SORCS2: variants seen among roughly 807,000 people sequenced by gnomAD.
SORCS2 encodes VPS10 domain-containing receptor SorCS2.
Under a neutral mutation model 141.6 loss-of-function variants are expected in SORCS2, and 100 were observed. The ratio of observed to expected loss-of-function variants is 0.71; its 90% confidence interval spans 0.60 to 0.83. The LOEUF is 0.83. Among genes scored for constraint, SORCS2 ranks in the 40% least tolerant of loss-of-function variants. SORCS2 has a pLI of 0.00. For synonymous variants in SORCS2, 789 were observed against 676.9 expected (o/e 1.17, Z -2.57); for missense variants, 1,646 against 1,560.2 (o/e 1.05, Z -0.93).
intron 1 of SORCS2, among the ~76,000 whole-genome samples, chr4:7,363,284 C>G (rs1721705216): frequency 6.6e-6 from 1 of 151,340 alleles, no homozygotes; most frequent in African/African-American, 2.5e-5. Flanking sequence ...TGATCATTAT[C>G]ATCATTACCA....
chr4:7,297,116 C>A (rs1037086315), intron 1 of SORCS2, among the ~76,000 whole-genome samples: 1 of 152,302 alleles, frequency 6.6e-6, no homozygotes, highest in African/African-American at 2.4e-5. Context: ...CCCCTGGATG[C>A]CCATGGGTTC....
intron 3 of SORCS2, among the ~76,000 whole-genome samples, chr4:7,563,565 CTG>C (rs1491485339): frequency 2.6e-5 from 4 of 152,152 alleles, no homozygotes; most frequent in African/African-American, 9.6e-5. Flanking sequence ...TCTCAGAACT[CTG>C]GGGTTTGGAG....
intron 1 of SORCS2, among the ~76,000 whole-genome samples, chr4:7,208,598 C>T (rs909619292): frequency 6.6e-6 from 1 of 152,206 alleles, no homozygotes; most frequent in East Asian, 1.9e-4. Flanking sequence ...CAGCTCCATC[C>T]TCTGTCTGCC....
chr4:7,239,401 C>T (rs1023229652), intron 1 of SORCS2, among the ~76,000 whole-genome samples: 1 of 152,234 alleles, frequency 6.6e-6, no homozygotes, highest in African/African-American at 2.4e-5. Context: ...TCCCCGTGGC[C>T]GGGACAGTGG....
intron 1 of SORCS2, among the ~76,000 whole-genome samples, chr4:7,215,854 A>G (rs1343386270): frequency 6.6e-6 from 1 of 152,094 alleles, no homozygotes; most frequent in East Asian, 1.9e-4. Context: ...GGGATTGTAA[A>G]CGCACCAATC....
At chr4:7,275,270 TCA>T (rs1715425721) in intron 1 of SORCS2, among the ~76,000 whole-genome samples, 1 of 152,158 alleles carries the variant, frequency 6.6e-6, no homozygotes, top group Admixed American at 6.5e-5. Flanking sequence ...TGACTCGAAG[TCA>T]TGGTCAAGAG....
intron 1 of SORCS2, among the ~76,000 whole-genome samples, chr4:7,269,205 T>C (rs1577340655): frequency 6.6e-6 from 1 of 152,300 alleles, no homozygotes; most frequent in East Asian, 1.9e-4. Context: ...GGGCCGGTGA[T>C]GCCAGGGTGC....
At chr4:7,626,948 C>T (rs969834573) in intron 3 of SORCS2, among the ~76,000 whole-genome samples, 1 of 152,106 alleles carries the variant, frequency 6.6e-6, no homozygotes, top group East Asian at 1.9e-4. Flanking sequence ...TGACTTTTCT[C>T]CTTTGTAAGA....
intron 3 of SORCS2, among the ~76,000 whole-genome samples, chr4:7,619,484 T>G (rs952083131): frequency 2.0e-5 from 3 of 152,108 alleles, no homozygotes; most frequent in Non-Finnish European, 2.9e-5. Flanking sequence ...CCACTCCACC[T>G]CTTCAGTCCA....
chr4:7,557,172 C>T (rs745513976), intron 3 of SORCS2, among the ~76,000 whole-genome samples: 1 of 152,176 alleles, frequency 6.6e-6, no homozygotes, highest in Non-Finnish European at 1.5e-5. Flanking sequence ...GAGGAAAGGG[C>T]GGTTGAATTT....
chr4:7,348,557 T>G (rs1024556535), intron 1 of SORCS2, among the ~76,000 whole-genome samples: 8 of 152,134 alleles, frequency 5.3e-5, no homozygotes, highest in African/African-American at 1.7e-4. Context: ...GTGTTGTTGT[T>G]TTTTGTATTT....
intron 21 of SORCS2, 86 bp downstream of exon 21, chr4:7,726,989 T>C: frequency 6.8e-7 from 1 of 1,460,100 alleles, no homozygotes; most frequent in Non-Finnish European, 9.2e-7. Context: ...GCGTAAGCCA[T>C]GGATGTCCTG....
At chr4:7,254,854 C>T (rs983534492) in intron 1 of SORCS2, among the ~76,000 whole-genome samples, 2 of 152,114 alleles carry the variant, frequency 1.3e-5, no homozygotes, top group African/African-American at 4.8e-5. Context: ...TCCATGCACA[C>T]AGCCCCCGGG....
chr4:7,423,050 A>G (rs1221510660), intron 2 of SORCS2, among the ~76,000 whole-genome samples: 1 of 74,560 alleles, frequency 1.3e-5, no homozygotes, highest in Non-Finnish European at 2.5e-5. Flanking sequence ...CATCCCTCCC[A>G]GGGAACTTCT....
chr4:7,739,684 C>A (rs1222262324), intron 26 of SORCS2, among the ~76,000 whole-genome samples: 1 of 152,162 alleles, frequency 6.6e-6, no homozygotes, highest in Non-Finnish European at 1.5e-5. Context: ...TCTCCCGGTG[C>A]CCTTGAGGCG....
chr4:7,362,265 G>A lies in SORCS2; in HGVS notation c.481-34023G>A, dbSNP rs949350368. Among the ~76,000 whole-genome samples, 4 of 152,092 alleles carry A rather than the reference G, an allele frequency of 2.6e-5. 1 individual carries two copies. The highest frequency in any genetic ancestry group is 2.6e-4 in the Admixed American group (4 of 15,272). On this transcript the variant is annotated intron_variant, in intron 1 of 26. Coordinates refer to ENST00000507866, the MANE Select transcript of SORCS2 (RefSeq NM_020777.3). ...AAGCCAGGTGACATAAGGATCCCTG[G>A]TGTTTTCATAGACGAGCTTCAAGGC...
At chr4:7,531,939 G>C (rs1711693360) in intron 3 of SORCS2, among the ~76,000 whole-genome samples, 1 of 152,280 alleles carries the variant, frequency 6.6e-6, no homozygotes, top group African/African-American at 2.4e-5. Context: ...GGGCCTGGAA[G>C]CAGAGACAGC....
At chr4:7,227,119 G>A (rs1430902200) in intron 1 of SORCS2, among the ~76,000 whole-genome samples, 4 of 152,134 alleles carry the variant, frequency 2.6e-5, no homozygotes, top group East Asian at 3.9e-4. Flanking sequence ...GCACTTGTGC[G>A]TGCTCACACA....
At chr4:7,438,133 C>G (rs1427990162) in intron 2 of SORCS2, among the ~76,000 whole-genome samples, 3 of 152,230 alleles carry the variant, frequency 2.0e-5, no homozygotes, top group Non-Finnish European at 4.4e-5. Flanking sequence ...CCCCATGTGG[C>G]ATTGATTTCC....
Sources: allele counts gnomAD v4.1 joint callset (sites outside exome capture counted in the v4.1 genomes callset), GRCh38; gene constraint gnomAD v4.1.1; transcripts MANE v1.5; gene names NCBI Gene and HGNC (gene_info 2026-07-23, HGNC 2026-07-21).